Variants in CBLB observed in about 807,000 individuals in gnomAD.
CBLB encodes the protein E3 ubiquitin-protein ligase CBL-B.
Under a neutral mutation model 104.9 loss-of-function variants are expected in CBLB, and 31 were observed. The ratio of observed to expected loss-of-function variants is 0.30; its 90% confidence interval spans 0.22 to 0.40. The LOEUF is 0.40. CBLB is among the 10% of genes least tolerant of loss of function. The probability of loss-of-function intolerance (pLI) is 1.00; values close to 1 mark genes in which losing one functional copy is unlikely to be tolerated. For synonymous variants in CBLB, 440 were observed against 422.6 expected (o/e 1.04, Z -0.51); for missense variants, 1,062 against 1,214.6 (o/e 0.87, Z 1.87).
intron 3 of CBLB, among the ~76,000 whole-genome samples, chr3:105,802,032 C>T (rs959538683): frequency 6.6e-6 from 1 of 152,086 alleles, no homozygotes; most frequent in East Asian, 1.9e-4. Flanking sequence ...CATCAATTAG[C>T]CAACAATAAC....
chr3:105,783,519 G>A (rs2080553765), intron 3 of CBLB, among the ~76,000 whole-genome samples: 1 of 152,130 alleles, frequency 6.6e-6, no homozygotes, highest in African/African-American at 2.4e-5. Context: ...ATTTGATACA[G>A]TCATTTAGTC....
At chr3:105,765,815 A>C (rs2078158604) in intron 4 of CBLB, among the ~76,000 whole-genome samples, 2 of 152,166 alleles carry the variant, frequency 1.3e-5, no homozygotes, top group African/African-American at 4.8e-5. Context: ...GTACGAGGAG[A>C]TTAATGTTGT....
intron 3 of CBLB, among the ~76,000 whole-genome samples, chr3:105,832,208 A>G (rs935035736): frequency 1.3e-5 from 2 of 152,170 alleles, no homozygotes; most frequent in Non-Finnish European, 2.9e-5. Context: ...CAACTAAGAA[A>G]CTACCCCAAC....
chr3:105,792,020 T>C (rs1394139877), intron 3 of CBLB, among the ~76,000 whole-genome samples: 1 of 152,220 alleles, frequency 6.6e-6, no homozygotes, highest in Admixed American at 6.5e-5. Flanking sequence ...AATAAGTGTC[T>C]AATAATGGCA....
rs1326375201 is a variant in CBLB, at chr3:105,704,330, CATACTGTCCCTCAAGGGTAG to C, written c.1408-177_1408-158del. Among the ~76,000 whole-genome samples, 69 of 152,278 alleles carry C rather than the reference CATACTGTCCCTCAAGGGTAG, an allele frequency of 4.5e-4. 1 individual carries two copies. The highest frequency in any genetic ancestry group is 1.6e-3 in the African/African-American group (68 of 41,574). On this transcript the variant is annotated intron_variant, in intron 10 of 18. Coordinates refer to ENST00000394030, the MANE Select transcript of CBLB (RefSeq NM_170662.5). ...CCCTGATTAATAGAAGCAAATAGTT[CATACTGTCCCTCAAGGGTAG>C]TATTACGAAAAGAAAAGACTGATAA...
rs72993723 is a variant in CBLB at position 105,690,508 on chromosome 3, C to A, written c.2054+2986G>T. On this transcript the variant is annotated intron_variant, in intron 13 of 18. Coordinates refer to ENST00000394030, the MANE Select transcript of CBLB (RefSeq NM_170662.5). ...CTCTCTTCTACCAGATGGGGAAAGG[C>A]CCAGAGAAGTTTTCCTGTTAAAAAT... Among the ~76,000 whole-genome samples, 24 of 152,156 alleles carry A rather than the reference C, an allele frequency of 1.6e-4. 1 individual carries two copies. In the East Asian group the frequency reaches 4.5e-3, roughly 28 times the overall value.
At chr3:105,696,314 G>A (rs940463508) in intron 12 of CBLB, among the ~76,000 whole-genome samples, 1 of 151,618 alleles carries the variant, frequency 6.6e-6, no homozygotes, top group Admixed American at 6.6e-5. Context: ...CATATTTATT[G>A]ACGGTGGCTA....
At chr3:105,664,861 C>T (rs2064198167) in intron 18 of CBLB, among the ~76,000 whole-genome samples, 1 of 152,154 alleles carries the variant, frequency 6.6e-6, no homozygotes, top group Non-Finnish European at 1.5e-5. Context: ...CACTACTATT[C>T]CATCACTATT....
At chr3:105,751,640 G>A (rs1218022052) in intron 4 of CBLB, 22 bp from the exon 5 acceptor site, 2 of 1,600,892 alleles carry the variant, frequency 1.2e-6, no homozygotes, top group African/African-American at 2.7e-5. Context: ...GGAAAAAAAG[G>A]GAAATAATTG....
intron 7 of CBLB, 70 bp from the exon 8 acceptor site, chr3:105,737,328 A>G: frequency 2.7e-6 from 2 of 742,806 alleles, no homozygotes; most frequent in Non-Finnish European, 4.6e-6. Context: ...TATTTAATCA[A>G]ATTTTTCTAT....
intron 2 of CBLB, among the ~76,000 whole-genome samples, chr3:105,857,856 G>A (rs760344319): frequency 2.0e-5 from 3 of 152,134 alleles, no homozygotes; most frequent in African/African-American, 7.2e-5. Context: ...AATTACAGGA[G>A]AATTTAGTGC....
chr3:105,868,756 C>G lies in CBLB; in HGVS notation c.-35G>C. 1 of 989,460 alleles carries G rather than the reference C, an allele frequency of 1.0e-6. No homozygotes were observed. The highest frequency in any genetic ancestry group is 1.2e-6 in the Non-Finnish European group (1 of 832,320). 61.3% of individuals were successfully genotyped at this position (989,460 alleles called of 1,614,324 possible). On this transcript the variant is annotated 5_prime_UTR_variant, in exon 1 of 19. Coordinates refer to ENST00000394030, the MANE Select transcript of CBLB (RefSeq NM_170662.5). ...CTTGCCTTTCGGCGCCGTAGCTGTC[C>G]AGAGACACGCGTGTGCGCGGGTCCC... is the stretch of plus-strand genomic sequence containing the variant.
chr3:105,733,124 G>A (rs144771064), intron 9 of CBLB, among the ~76,000 whole-genome samples: 15 of 152,190 alleles, frequency 9.9e-5, no homozygotes, highest in East Asian at 7.7e-4. Flanking sequence ...TTGGGAGGCC[G>A]TGGCAGGTGG....
chr3:105,665,562 C>A (rs2064345140), intron 18 of CBLB, among the ~76,000 whole-genome samples: 1 of 145,822 alleles, frequency 6.9e-6, no homozygotes, highest in African/African-American at 2.5e-5. Context: ...ATATTTATAT[C>A]TATACCATAT....
intron 3 of CBLB, among the ~76,000 whole-genome samples, chr3:105,845,379 GAA>G (rs34685404): frequency 4.7e-5 from 4 of 85,482 alleles, no homozygotes; most frequent in South Asian, 3.7e-4. Context: ...ATGGGGCTTA[GAA>G]AAAAAAAAAA....
At chr3:105,834,329 G>A (rs1400036395) in intron 3 of CBLB, among the ~76,000 whole-genome samples, 1 of 152,154 alleles carries the variant, frequency 6.6e-6, no homozygotes, top group African/African-American at 2.4e-5. Context: ...GAAACATCAT[G>A]TAGTACAACC....
intron 3 of CBLB, among the ~76,000 whole-genome samples, chr3:105,807,507 T>C (rs1286097101): frequency 6.6e-6 from 1 of 152,154 alleles, no homozygotes; most frequent in Non-Finnish European, 1.5e-5. Flanking sequence ...CAATACATAG[T>C]CTTATTTGTG....
chr3:105,869,212 C>T (rs917491419), upstream of CBLB: 16 of 638,556 alleles, frequency 2.5e-5, no homozygotes, highest in Non-Finnish European at 2.9e-5. Context: ...AGAGGAAGGC[C>T]CGCTCGCAGC....
chr3:105,797,358 CT>C (rs1481479766), intron 3 of CBLB, among the ~76,000 whole-genome samples: 1 of 152,142 alleles, frequency 6.6e-6, no homozygotes, highest in Non-Finnish European at 1.5e-5. Context: ...CATATATCCT[CT>C]TGTTTAGCTC....
Sources: allele counts gnomAD v4.1 joint callset (sites outside exome capture counted in the v4.1 genomes callset), GRCh38; gene constraint gnomAD v4.1.1; transcripts MANE v1.5; gene names NCBI Gene and HGNC (gene_info 2026-07-23, HGNC 2026-07-21).